The following EPB41 variants were observed in gnomAD, a reference collection of about 807,000 sequenced individuals.
The protein encoded by EPB41 is erythrocyte membrane protein band 4.1.
In EPB41, 65 loss-of-function variants were observed where a neutral mutation model predicts 108.0. The observed-to-expected ratio is 0.60, with a 90% CI of 0.49 to 0.74. EPB41 has a LOEUF of 0.74. Ranked by LOEUF, EPB41 falls within the 30% of genes least tolerant of loss-of-function variation. EPB41 has a pLI of 0.00. For missense variants in EPB41, 875 were observed against 1,037.0 expected, an observed-to-expected ratio of 0.84 and a Z score of 2.15; for synonymous variants, 336 against 358.9, an observed-to-expected ratio of 0.94 and a Z score of 0.72.
In EPB41 at chr1:29,047,253, C is replaced by CTTTTTTTTTTTTTTTTTTTTT. The variant is rs755248112; in HGVS notation, c.1637-5835_1637-5834insTTTTTTTTTTTTTTTTTTTTT. On this transcript the variant is annotated intron_variant, in intron 11 of 20. Coordinates refer to ENST00000343067, the MANE Select transcript of EPB41 (RefSeq NM_001376013.1). ...TGTTTCTTTTTTCTTTCTTTCTTTC[C>CTTTTTTTTTTTTTTTTTTTTT]TTTTTTTTTTTTTTTTGGAGAGAGA... 5.5e-4 allele frequency among the ~76,000 whole-genome samples: 55 copies of CTTTTTTTTTTTTTTTTTTTTT among 100,520 alleles called. 1 individual carries two copies. The highest frequency in any genetic ancestry group is 1.0e-3 in the East Asian group (3 of 2,928). 65.9% of individuals were successfully genotyped at this position (100,520 alleles called of 152,430 possible).
intron 18 of EPB41, among the ~76,000 whole-genome samples, chr1:29,112,099 G>C (rs1452087668): frequency 1.3e-5 from 2 of 152,106 alleles, no homozygotes; most frequent in Non-Finnish European, 2.9e-5. Context: ...GTCCTTTGCA[G>C]TACCCAGCAG....
At chr1:29,032,097 TAAAAAAAA>T (rs76135314) in intron 8 of EPB41, among the ~76,000 whole-genome samples, 3 of 128,056 alleles carry the variant, frequency 2.3e-5, no homozygotes, top group South Asian at 2.5e-4. Flanking sequence ...GACTCTGTCT[TAAAAAAAA>T]AAAAAAAAAA....
At chr1:28,920,456 A>G (rs1570585083) in intron 1 of EPB41, among the ~76,000 whole-genome samples, 1 of 152,216 alleles carries the variant, frequency 6.6e-6, no homozygotes, top group Non-Finnish European at 1.5e-5. Flanking sequence ...ATAGCACCGG[A>G]CACAACATAG....
At chr1:29,002,460 A>AG (rs1276473532) in intron 4 of EPB41, among the ~76,000 whole-genome samples, 2 of 152,106 alleles carry the variant, frequency 1.3e-5, no homozygotes, top group Non-Finnish European at 1.5e-5. Context: ...CAAAAAAAAA[A>AG]AAAAGATAGT....
chr1:28,987,680 A>T lies in EPB41; in HGVS notation c.243A>T (p.Arg81=). The T allele has an allele frequency of 1.5e-5, 25 of 1,614,218 alleles. No individual in the cohort carries two copies. Among genetic ancestry groups the T allele is most frequent in the Non-Finnish European group, 2.1e-5 (25 of 1,180,042 alleles). ...CATCAGAAAGCAGAGGACTTTCACG[A>T]CTATTCTCCTCGTTTCTCAAAAGGC... ...ERTSESRGLS[R]LFSSFLKRPK... Residue 81 remains arginine (R), a synonymous_variant, in exon 2 of 21, where the codon CGA becomes CGT. Transcript: ENST00000343067.
chr1:28,932,099 A>C (rs528218390), intron 1 of EPB41, among the ~76,000 whole-genome samples: 1 of 152,132 alleles, frequency 6.6e-6, no homozygotes, highest in Non-Finnish European at 1.5e-5. Flanking sequence ...TTAATGTTCA[A>C]CTAGAAACTT....
intron 16 of EPB41, chr1:29,068,830 T>C: frequency 1.6e-6 from 2 of 1,215,882 alleles, no homozygotes; most frequent in Non-Finnish European, 2.1e-6. Flanking sequence ...AATTTGCTCT[T>C]GTCATGGCAC....
chr1:28,948,895 G>A (rs1421864505), intron 1 of EPB41, among the ~76,000 whole-genome samples: 1 of 152,144 alleles, frequency 6.6e-6, no homozygotes, highest in Non-Finnish European at 1.5e-5. Context: ...GTTGCAGTGA[G>A]CCAAGATCAC....
chr1:29,102,247 T>C (rs1354859969), intron 17 of EPB41, among the ~76,000 whole-genome samples: 3 of 152,168 alleles, frequency 2.0e-5, no homozygotes, highest in African/African-American at 4.8e-5. Context: ...TTAAGGTAAT[T>C]CTGTGTGGCC....
At chr1:28,947,379 G>A (rs2094522222) in intron 1 of EPB41, among the ~76,000 whole-genome samples, 1 of 151,612 alleles carries the variant, frequency 6.6e-6, no homozygotes, top group Admixed American at 6.6e-5. Context: ...CTGCACTCCC[G>A]TCTGGCGACG....
At chr1:29,008,204 A>C (rs1468639627) in intron 4 of EPB41, among the ~76,000 whole-genome samples, 1 of 152,078 alleles carries the variant, frequency 6.6e-6, no homozygotes, top group African/African-American at 2.4e-5. Flanking sequence ...ACTATACCTT[A>C]CCAACCCTCA....
chr1:28,908,351 G>A (rs953370619), intron 1 of EPB41, among the ~76,000 whole-genome samples: 11 of 150,382 alleles, frequency 7.3e-5, no homozygotes, highest in Admixed American at 1.3e-4. Context: ...GCGGCAAGCC[G>A]AGATTGTGCC....
intron 1 of EPB41, among the ~76,000 whole-genome samples, chr1:28,929,960 C>A (rs2093657253): frequency 2.7e-5 from 4 of 146,646 alleles, no homozygotes; most frequent in African/African-American, 7.6e-5. Context: ...TGGGGTTGTG[C>A]AGCCATCATC....
At chr1:29,007,846 A>T (rs2096433642) in intron 4 of EPB41, among the ~76,000 whole-genome samples, 1 of 150,112 alleles carries the variant, frequency 6.7e-6, no homozygotes, top group Non-Finnish European at 1.5e-5. Context: ...TCTAATACAT[A>T]CTCCTTGGGT....
rs142493047 is a variant in EPB41, at chr1:29,010,860, C to T, written c.787-1005C>T. Among the ~76,000 whole-genome samples, 438 of 152,260 alleles carry T rather than the reference C, an allele frequency of 2.9e-3. 3 individuals carry two copies. The highest frequency in any genetic ancestry group is 1.0e-2 in the African/African-American group (414 of 41,546). On this transcript the variant is annotated intron_variant, in intron 4 of 20. Coordinates refer to ENST00000343067, the MANE Select transcript of EPB41 (RefSeq NM_001376013.1). ...AGGCATAGTGGCTCATGCCTATAATCCCAGCACTTTGGGAGGCCGAGCCGG... is the reference window on the plus strand; with the variant it reads ...AGGCATAGTGGCTCATGCCTATAATTCCAGCACTTTGGGAGGCCGAGCCGG...
intron 12 of EPB41, among the ~76,000 whole-genome samples, chr1:29,057,108 G>GGCT (rs753065369): frequency 6.4e-4 from 97 of 152,152 alleles, no homozygotes; most frequent in Non-Finnish European, 1.0e-3. Context: ...CAGGCGCAGT[G>GGCT]GCTTACGCCT....
chr1:28,952,845 T>G, intron 1 of EPB41, among the ~76,000 whole-genome samples: 1 of 152,280 alleles, frequency 6.6e-6, no homozygotes, highest in East Asian at 1.9e-4. Flanking sequence ...TTAACTTGTC[T>G]TTTCCTGGAA....
At chr1:29,024,677 A>T (rs1017701163) in intron 7 of EPB41, among the ~76,000 whole-genome samples, 5 of 151,916 alleles carry the variant, frequency 3.3e-5, no homozygotes, top group Admixed American at 2.6e-4. Context: ...AATAAAAAAA[A>T]ATTCTTATCC....
Position 28,899,983 on chromosome 1 carries a change from T to C in EPB41, c.-8+12773T>C, listed in dbSNP as rs1410602176. Among the ~76,000 whole-genome samples, 4 of 152,318 alleles carry C rather than the reference T, an allele frequency of 2.6e-5. No individual in the cohort carries two copies. The South Asian group carries it at 6.2e-4, about 24-fold the overall frequency. ...TGGGGAAAATATTAGCATCTTCTCA[T>C]AGGATTATTTAAGGGCTAAATTAAA... On this transcript the variant is annotated intron_variant, in intron 1 of 16. Coordinates refer to the EPB41 transcript ENST00000347529.
Sources: gnomAD v4.1 joint callset for allele counts (sites outside exome capture counted in the v4.1 genomes callset) on GRCh38, gnomAD v4.1.1 for gene constraint, MANE v1.5 for transcripts, NCBI Gene and HGNC (gene_info 2026-07-23, HGNC 2026-07-21) for gene names.